PPP2R5C: variants seen among roughly 807,000 people sequenced by gnomAD.
The protein encoded by PPP2R5C is serine/threonine-protein phosphatase 2A 56 kDa regulatory subunit gamma isoform.
PPP2R5C carries 7 observed loss-of-function variants against 68.9 expected under a neutral mutation model. The observed-to-expected ratio is 0.10, with a 90% CI of 0.06 to 0.19. The LOEUF (loss-of-function observed/expected upper bound fraction) is 0.19, where lower values mean the gene tolerates loss of function less well. Among genes scored for constraint, PPP2R5C ranks in the 10% least tolerant of loss-of-function variants. The pLI, the probability that PPP2R5C is intolerant of heterozygous loss-of-function variation, is 1.00. For missense variants in PPP2R5C, 348 were observed against 641.3 expected (o/e 0.54, Z 4.94); for synonymous variants, 210 against 222.2 (o/e 0.95, Z 0.49).
Position 101,804,500 on chromosome 14 carries a change from A to AAT in PPP2R5C, c.259+18329_259+18330dup, listed in dbSNP as rs141520535. On this transcript the variant is annotated intron_variant, in intron 3 of 14. Coordinates refer to the PPP2R5C transcript ENST00000328724. The stretch of plus-strand genomic sequence containing the variant: ...TCCATCAACAGATGAATGAATAAAA[A>AAT]ATATATATATATACACAATAGAGTA... Among the ~76,000 whole-genome samples the AAT allele has an allele frequency of 3.8e-3, 581 of 152,016 alleles. 3 individuals are homozygous for AAT. Among genetic ancestry groups the AAT allele is most frequent in the African/African-American group, 8.8e-3 (365 of 41,446 alleles).
chr14:101,867,418 A>C (rs555900517), intron 2 of PPP2R5C, among the ~76,000 whole-genome samples: 2 of 151,976 alleles, frequency 1.3e-5, no homozygotes, highest in Non-Finnish European at 2.9e-5. Flanking sequence ...CAAAAAAAAA[A>C]ATTAATAATT....
chr14:101,763,259 A>T (rs2036651878), intron 2 of PPP2R5C, among the ~76,000 whole-genome samples: 2 of 151,736 alleles, frequency 1.3e-5, no homozygotes. Context: ...TCACTTTGTC[A>T]CGCAGGCTGG....
intron 2 of PPP2R5C, among the ~76,000 whole-genome samples, chr14:101,777,149 T>C (rs2037470129): frequency 6.6e-6 from 1 of 151,842 alleles, no homozygotes; most frequent in Non-Finnish European, 1.5e-5. Context: ...AAACGCTCGT[T>C]CCTTTTTATA....
intron 2 of PPP2R5C, 103 bp downstream of exon 4, chr14:101,856,988 C>T (rs1016735397): frequency 1.8e-6 from 2 of 1,105,526 alleles, no homozygotes; most frequent in African/African-American, 1.6e-5. Context: ...GAAGAATCCT[C>T]CTGTTCCAGA....
chr14:101,766,146 C>T (rs1421089241), intron 2 of PPP2R5C: 1 of 152,208 alleles, frequency 6.6e-6, no homozygotes, highest in East Asian at 1.9e-4. Context: ...AAACTCCTGC[C>T]TGTCTAGTCT....
In PPP2R5C at chr14:101,917,578, C is replaced by T. The variant is rs1279589705; in HGVS notation, c.1327-253C>T. ...CATGGGGTGTGGGCCAGGGTATGGG[C>T]GGGCCACTGTCCATCAGATGCAGAG... is the stretch of plus-strand genomic sequence containing the variant. On this transcript the variant is annotated intron_variant, in intron 12 of 13. Transcript: ENST00000334743. The surrounding 1 kb of genome is among the most constrained non-coding windows in gnomAD (Gnocchi z 4.4). 8.7e-6 allele frequency among the ~76,000 whole-genome samples: 1 copy of T among 114,866 alleles called. No individual in the cohort carries two copies. Among genetic ancestry groups the T allele is most frequent in the Non-Finnish European group, 1.7e-5 (1 of 58,678 alleles). 75.4% of individuals were successfully genotyped at this position (114,866 alleles called of 152,430 possible).
At position 101,915,862 on chromosome 14, in the gene PPP2R5C, C is replaced by T. The variant is rs370372389; in HGVS notation, c.1327-1969C>T. Among the ~76,000 whole-genome samples the T allele has an allele frequency of 2.6e-4, 40 of 152,252 alleles. No homozygotes were observed. Among genetic ancestry groups the T allele is most frequent in the African/African-American group, 8.9e-4 (37 of 41,542 alleles). ...CTGGAGATGGCAGGACCAGCTTATT[C>T]GTTCCCATCTCTAAAGAAAGACACA... On this transcript the variant is annotated intron_variant, in intron 12 of 13. Transcript: ENST00000334743. The surrounding 1 kb of genome is among the most constrained non-coding windows in gnomAD (Gnocchi z 4.2).
At chr14:101,875,095 T>C (rs1232250464) in intron 2 of PPP2R5C, among the ~76,000 whole-genome samples, 1 of 152,236 alleles carries the variant, frequency 6.6e-6, no homozygotes, top group East Asian at 1.9e-4. Context: ...TTTGAATAGA[T>C]TGTAAAAATA....
intron 2 of PPP2R5C, among the ~76,000 whole-genome samples, chr14:101,880,900 T>G (rs910442348): frequency 2.0e-5 from 3 of 152,194 alleles, no homozygotes; most frequent in Non-Finnish European, 4.4e-5. Flanking sequence ...CCCTGGACTC[T>G]CTAGAAACAT....
chr14:101,763,291 C>G (rs963223343), intron 2 of PPP2R5C, among the ~76,000 whole-genome samples: 1 of 151,964 alleles, frequency 6.6e-6, no homozygotes, highest in African/African-American at 2.4e-5. Context: ...GCAATCTCTG[C>G]TCACTGCTAC....
intron 1 of PPP2R5C, chr14:101,820,106 G>A (rs2140260899): frequency 6.6e-6 from 1 of 152,252 alleles, no homozygotes; most frequent in East Asian, 1.9e-4. Flanking sequence ...TTACTTGACA[G>A]AACAAAAAGC....
At chr14:101,842,842 T>A (rs2041576218) in intron 1 of PPP2R5C, among the ~76,000 whole-genome samples, 1 of 151,572 alleles carries the variant, frequency 6.6e-6, no homozygotes, top group African/African-American at 2.4e-5. Context: ...CCGTGTCTGA[T>A]CACCGCTACT....
In PPP2R5C at chr14:101,916,727, G is replaced by A. The variant is rs2046694601; in HGVS notation, c.1327-1104G>A. 6.6e-6 allele frequency among the ~76,000 whole-genome samples: 1 copy of A among 151,990 alleles called. No homozygotes were observed. Among genetic ancestry groups the A allele is most frequent in the Non-Finnish European group, 1.5e-5 (1 of 67,974 alleles). ...AGGGGTGAGGGGGCAGGGGGTGAGA[G>A]GCAGGGGTGAAGCAGGTCAGCAGGA... On this transcript the variant is annotated intron_variant, in intron 12 of 13. Coordinates refer to ENST00000334743, the Ensembl canonical transcript of PPP2R5C. This position sits in a 1 kb window ranked among gnomAD's most constrained non-coding sequence, Gnocchi z 5.5.
At chr14:101,800,009 A>G (rs755912275) in intron 3 of PPP2R5C, among the ~76,000 whole-genome samples, 29 of 152,236 alleles carry the variant, frequency 1.9e-4, no homozygotes, top group Non-Finnish European at 3.2e-4. Flanking sequence ...CTATAATCCC[A>G]GTAATTTGGG....
chr14:101,844,297 G>A (rs754826964), intron 1 of PPP2R5C, among the ~76,000 whole-genome samples: 17 of 152,076 alleles, frequency 1.1e-4, no homozygotes, highest in African/African-American at 2.7e-4. Flanking sequence ...GGGAGGGGCC[G>A]GAGCGGTCTG....
intron 1 of PPP2R5C, among the ~76,000 whole-genome samples, chr14:101,841,472 G>T (rs1244833407): frequency 6.6e-6 from 1 of 152,200 alleles, no homozygotes; most frequent in Admixed American, 6.5e-5. Flanking sequence ...CCACCTCTCA[G>T]ATCACCCAAC....
intron 3 of PPP2R5C, among the ~76,000 whole-genome samples, chr14:101,800,816 A>T (rs561064111): frequency 7.9e-5 from 12 of 152,316 alleles, no homozygotes; most frequent in East Asian, 1.9e-4. Flanking sequence ...AATGAAATCA[A>T]CCTAAGTGTC....
chr14:101,861,868 CAG>C (rs555147804), intron 2 of PPP2R5C, among the ~76,000 whole-genome samples: 198 of 152,280 alleles, frequency 1.3e-3, no homozygotes, highest in African/African-American at 4.3e-3. Context: ...AAATAACTGA[CAG>C]AGTTTGTTGT....
intron 3 of PPP2R5C, among the ~76,000 whole-genome samples, chr14:101,801,416 AT>A (rs1476421243): frequency 3.9e-5 from 6 of 152,178 alleles, no homozygotes; most frequent in Non-Finnish European, 8.8e-5. Context: ...TTGGGGAGTG[AT>A]TCTTCCTATG....
Sources: gnomAD v4.1 joint callset for allele counts (sites outside exome capture counted in the v4.1 genomes callset) on GRCh38, gnomAD v4.1.1 for gene constraint, Gnocchi (gnomAD v3.1) non-coding constraint, MANE v1.5 for transcripts, NCBI Gene and HGNC (gene_info 2026-07-23, HGNC 2026-07-21) for gene names.